Variants in ARID1B observed in about 807,000 individuals in gnomAD.
The protein encoded by ARID1B is AT-rich interactive domain-containing protein 1B.
In ARID1B, 30 loss-of-function variants were observed where a neutral mutation model predicts 212.3. That is an observed-to-expected ratio of 0.14 (90% CI 0.11 to 0.19). ARID1B has a LOEUF of 0.19. Among genes scored for constraint, ARID1B ranks in the 10% least tolerant of loss-of-function variants. The pLI, the probability that ARID1B is intolerant of heterozygous loss-of-function variation, is 1.00. For missense variants in ARID1B, 2,891 were observed against 3,204.0 expected, an observed-to-expected ratio of 0.90 and a Z score of 2.36; for synonymous variants, 1,402 against 1,301.7, an observed-to-expected ratio of 1.08 and a Z score of -1.66.
chr6:157,036,958 ATT>A, intron 4 of ARID1B: 4 of 385,928 alleles, frequency 1.0e-5, no homozygotes, highest in Admixed American at 3.7e-5. Context: ...GAGGGGACTT[ATT>A]TTTTTTTTAA....
At position 157,203,696 on chromosome 6, in the gene ARID1B, G is replaced by A. The variant is rs1794263184; in HGVS notation, c.5264-170G>A. 2.4e-6 allele frequency: 2 copies of A among 835,850 alleles called. No homozygotes were observed. Among genetic ancestry groups the A allele is most frequent in the Admixed American group, 4.6e-5 (2 of 43,558 alleles). The allele number at this position is 835,850 out of a possible 1,614,324, so 51.8% of individuals were successfully genotyped here. A position where few individuals can be genotyped will look rare whatever the true frequency, so the allele number is the denominator to read the frequency against. Reference sequence around the variant, plus strand: ...ACAAAAGTTTCTCGTTACAGCTATGGCCTCCATTTAAAATCGGAAATGATC... The same window carrying A: ...ACAAAAGTTTCTCGTTACAGCTATGACCTCCATTTAAAATCGGAAATGATC... On this transcript the variant is annotated intron_variant, in intron 18 of 19. Transcript: ENST00000636930. The surrounding 1 kb of genome is among the most constrained non-coding windows in gnomAD (Gnocchi z 4.4).
intron 4 of ARID1B, among the ~76,000 whole-genome samples, chr6:156,968,519 TC>T (rs1437789261): frequency 6.6e-6 from 1 of 152,236 alleles, no homozygotes; most frequent in Non-Finnish European, 1.5e-5. Context: ...ATCGTCTTTT[TC>T]ATGCTCTCTG....
At position 156,777,529 on chromosome 6, in the gene ARID1B, C is replaced by G. The variant is rs1367918328; in HGVS notation, c.-152C>G. The G allele has an allele frequency of 6.6e-6, 1 of 151,406 alleles. No individual in the cohort carries two copies. The highest frequency in any genetic ancestry group is 1.5e-5 in the Non-Finnish European group (1 of 67,886). 9.4% of individuals were successfully genotyped at this position (151,406 alleles called of 1,614,324 possible). A position where few individuals can be genotyped will look rare whatever the true frequency, so the allele number is the denominator to read the frequency against. On this transcript the variant is annotated 5_prime_UTR_variant, in exon 1 of 20. Coordinates refer to ENST00000636930, the MANE Select transcript of ARID1B (RefSeq NM_001374828.1). ...GCAGGCCCAGAGCGTAAGGCGTGCC[C>G]GGCCCGGCGCTCCGGCGGGGCCTGC...
chr6:157,065,995 G>A (rs993763323), intron 4 of ARID1B, among the ~76,000 whole-genome samples: 1 of 152,122 alleles, frequency 6.6e-6, no homozygotes, highest in African/African-American at 2.4e-5. Context: ...TGCCTCTTTT[G>A]AATCATTATC....
rs587779743 is a variant in ARID1B at position 156,778,268 on chromosome 6, C to CCAGCAGCAGCAG, written c.600_611dup (p.Gln211_Gln214dup). ...CACTACAGCAGCAGCTAAACCAGTT[C>CCAGCAGCAGCAG]CAGCAGCAGCAGCAGCAGCAGCAAC... On this transcript the variant is annotated inframe_insertion, in exon 1 of 20. Transcript: ENST00000636930. 2.0e-5 allele frequency: 31 copies of CCAGCAGCAGCAG among 1,536,710 alleles called. No homozygotes were observed. The African/African-American group carries it at 2.2e-4, about 11-fold the overall frequency.
At chr6:157,179,509 TA>T (rs1461869185) in intron 11 of ARID1B, among the ~76,000 whole-genome samples, 3 of 152,238 alleles carry the variant, frequency 2.0e-5, no homozygotes, top group Non-Finnish European at 2.9e-5. Flanking sequence ...TATACATATA[TA>T]TTTTTTAAGC....
intron 4 of ARID1B, among the ~76,000 whole-genome samples, chr6:156,968,637 A>G (rs1018977659): frequency 2.0e-5 from 3 of 152,180 alleles, no homozygotes; most frequent in African/African-American, 7.2e-5. Flanking sequence ...CGGAGTCTCG[A>G]CATGCTCATC....
chr6:156,783,106 C>T (rs1197122116), intron 1 of ARID1B, among the ~76,000 whole-genome samples: 1 of 151,814 alleles, frequency 6.6e-6, no homozygotes, highest in Non-Finnish European at 1.5e-5. Flanking sequence ...AATGAGGAAC[C>T]TTAACCCCTC....
intron 4 of ARID1B, among the ~76,000 whole-genome samples, chr6:157,014,123 G>T (rs1028358000): frequency 1.3e-5 from 2 of 152,192 alleles, no homozygotes; most frequent in African/African-American, 4.8e-5. Flanking sequence ...TCCAAAGATC[G>T]TAGATGCTAC....
chr6:157,126,897 C>T (rs1013544754), intron 6 of ARID1B, among the ~76,000 whole-genome samples: 3 of 152,162 alleles, frequency 2.0e-5, no homozygotes, highest in Non-Finnish European at 4.4e-5. Flanking sequence ...GCTGCGTTCC[C>T]TCAGCTGTCA....
At chr6:157,022,533 A>G (rs1780384192) in intron 4 of ARID1B, 1 of 152,230 alleles carries the variant, frequency 6.6e-6, no homozygotes. Flanking sequence ...TGTTTTAGGT[A>G]GGATGTTGCA....
intron 2 of ARID1B, among the ~76,000 whole-genome samples, chr6:156,867,732 A>G (rs528807756): frequency 3.6e-4 from 55 of 152,226 alleles, no homozygotes; most frequent in Non-Finnish European, 7.1e-4. Context: ...CTTTTAAAAA[A>G]TGTCATTTTA....
chr6:156,919,135 G>A (rs1280373761), intron 3 of ARID1B, among the ~76,000 whole-genome samples: 1 of 152,176 alleles, frequency 6.6e-6, no homozygotes, highest in Non-Finnish European at 1.5e-5. Context: ...AAATCAGGGT[G>A]AATCTGTAGT....
At chr6:156,907,887 G>A (rs1789534533) in intron 3 of ARID1B, among the ~76,000 whole-genome samples, 2 of 141,094 alleles carry the variant, frequency 1.4e-5, no homozygotes, top group Admixed American at 7.4e-5. Flanking sequence ...CAGCCTGGGC[G>A]ACAGAGCAAG....
intron 7 of ARID1B, among the ~76,000 whole-genome samples, chr6:157,142,663 A>T (rs1255792341): frequency 6.6e-6 from 1 of 152,172 alleles, no homozygotes; most frequent in Non-Finnish European, 1.5e-5. Context: ...AACAAAAAAA[A>T]CAATATTTTG....
chr6:157,096,350 G>A (rs6916789), intron 5 of ARID1B, among the ~76,000 whole-genome samples: 78,467 of 152,084 alleles, frequency 0.52, 20,476 homozygotes, highest in East Asian at 0.6. Context: ...AATTCAAAAG[G>A]AGAGAGTTCT....
At chr6:157,073,787 T>A (rs1464800193) in intron 4 of ARID1B, among the ~76,000 whole-genome samples, 1 of 152,258 alleles carries the variant, frequency 6.6e-6, no homozygotes, top group Non-Finnish European at 1.5e-5. Flanking sequence ...ATGTTATTAT[T>A]CAACACCTTT....
intron 4 of ARID1B, among the ~76,000 whole-genome samples, chr6:156,990,405 G>A (rs758978849): frequency 1.3e-5 from 2 of 152,054 alleles, no homozygotes; most frequent in Non-Finnish European, 2.9e-5. Context: ...CACTTTGGGA[G>A]GCCAAGGCAG....
intron 7 of ARID1B, among the ~76,000 whole-genome samples, chr6:157,146,261 T>TATATGGTTTAATCCTGAGAACACCTCTTC (rs1789716158): frequency 6.6e-6 from 1 of 152,124 alleles, no homozygotes; most frequent in Non-Finnish European, 1.5e-5. Context: ...TTACATCCAT[T>TATATGGTTTAATCCTGAGAACACCTCTTC]ATATGGTTTA....
Sources: allele counts gnomAD v4.1 joint callset (sites outside exome capture counted in the v4.1 genomes callset), GRCh38; gene constraint gnomAD v4.1.1; non-coding constraint Gnocchi (gnomAD v3.1); transcripts MANE v1.5; gene names NCBI Gene and HGNC (gene_info 2026-07-23, HGNC 2026-07-21).